CRYM: variants seen among roughly 807,000 people sequenced by gnomAD.
CRYM encodes the protein crystallin mu.
CRYM carries 18 observed loss-of-function variants against 32.9 expected under a neutral mutation model. The ratio of observed to expected loss-of-function variants is 0.55; its 90% CI spans 0.38 to 0.81. The LOEUF is 0.81. Ranked by LOEUF, CRYM falls within the 30% of genes least tolerant of loss-of-function variation. The pLI is 0.00. For synonymous variants in CRYM, 153 were observed against 152.4 expected (o/e 1.00, Z -0.03); for missense variants, 337 against 393.5 (o/e 0.86, Z 1.21).
chr16:21,274,077 C>G (rs187715022), intron 3 of CRYM, among the ~76,000 whole-genome samples: 1 of 152,200 alleles, frequency 6.6e-6, no homozygotes, highest in Non-Finnish European at 1.5e-5. Context: ...TGGGTTACCA[C>G]GTTTCCTTTA....
intron 5 of CRYM, among the ~76,000 whole-genome samples, chr16:21,267,007 A>C (rs904765493): frequency 1.3e-5 from 2 of 152,022 alleles, no homozygotes; most frequent in East Asian, 1.9e-4. Context: ...ACCCTGTCCC[A>C]AAAAAAGAAA....
intron 1 of CRYM, among the ~76,000 whole-genome samples, chr16:21,297,776 C>T (rs1960819023): frequency 1.3e-5 from 2 of 152,046 alleles, no homozygotes; most frequent in African/African-American, 2.4e-5. Flanking sequence ...TTCTATAGAA[C>T]ATATTGGTCC....
At chr16:21,290,205 G>A (rs172851) in intron 1 of CRYM, among the ~76,000 whole-genome samples, 89,198 of 152,050 alleles carry the variant, frequency 0.59, 28,733 homozygotes, top group African/African-American at 0.87. Context: ...TTCACAATAA[G>A]TCTTGCTGCT....
chr16:21,302,823 A>G (rs1339163647), intron 1 of CRYM, among the ~76,000 whole-genome samples: 4 of 152,242 alleles, frequency 2.6e-5, no homozygotes, highest in Non-Finnish European at 5.9e-5. Flanking sequence ...GTAAGAGGCT[A>G]TTAAAAAGAG....
chr16:21,294,325 C>T (rs554555791), intron 1 of CRYM, among the ~76,000 whole-genome samples: 9 of 152,012 alleles, frequency 5.9e-5, no homozygotes, highest in South Asian at 2.1e-4. Flanking sequence ...AGAATTTATT[C>T]GCAAATTATT....
chr16:21,277,728 T>G lies in CRYM; in HGVS notation c.171-144A>C. ...CCCCCGCATCCCTCTGCCCTTCCCT[T>G]AGACACTATGCACAGTATGTTCAGA... On this transcript the variant is annotated intron_variant, in intron 1 of 7. Coordinates refer to ENST00000572914, the MANE Select transcript of CRYM (RefSeq NM_001376256.1). This position sits in a 1 kb window ranked among gnomAD's most constrained non-coding sequence, Gnocchi z 4.2. 1.1e-6 allele frequency: 1 copy of G among 926,336 alleles called. No individual in the cohort carries two copies. The highest frequency in any genetic ancestry group is 1.7e-6 in the Non-Finnish European group (1 of 602,128). The allele number at this position is 926,336 out of a possible 1,614,324, so 57.4% of individuals were successfully genotyped here. A position where few individuals can be genotyped will look rare whatever the true frequency, so the allele number is the denominator to read the frequency against.
chr16:21,281,046 A>G (rs2152863734), upstream of CRYM, among the ~76,000 whole-genome samples: 1 of 151,490 alleles, frequency 6.6e-6, no homozygotes, highest in Non-Finnish European at 1.5e-5. Flanking sequence ...TGGAGGTTGC[A>G]GTGAGCCGAG....
intron 4 of CRYM, 85 bp from the exon 5 acceptor site, chr16:21,267,822 T>A: frequency 7.5e-7 from 1 of 1,330,478 alleles, no homozygotes; most frequent in Non-Finnish European, 1.1e-6. Flanking sequence ...GAGGGAAAGT[T>A]GAACTACTCT....
upstream of CRYM, chr16:21,278,442 TG>T (rs2093392204): frequency 1.6e-6 from 1 of 640,498 alleles, no homozygotes; most frequent in Admixed American, 2.6e-5. Context: ...CCCCTAAGGG[TG>T]GGCGAGATGG....
At chr16:21,269,766 T>TCCCCCCCCC in intron 4 of CRYM, 24 bp downstream of exon 4, 31 of 690,462 alleles carry the variant, frequency 4.5e-5, no homozygotes, top group South Asian at 7.1e-5. Context: ...CCCTCTTCTC[T>TCCCCCCCCC]CCCACCCCCA....
rs565832520 is a variant in CRYM at position 21,267,818 on chromosome 16, A to G, written c.490-81T>C. ...CACTGAGCCCAGGGATGCGGAGGGAAAGTTGAACTACTCTGGCATAGGGGT... is the reference window on the plus strand; with the variant it reads ...CACTGAGCCCAGGGATGCGGAGGGAGAGTTGAACTACTCTGGCATAGGGGT... On this transcript the variant is annotated intron_variant, in intron 4 of 7. Coordinates refer to ENST00000572914, the MANE Select transcript of CRYM (RefSeq NM_001376256.1). 1.1e-5 allele frequency: 15 copies of G among 1,373,694 alleles called. No homozygotes were observed. In the East Asian group the frequency reaches 3.2e-4, roughly 29 times the overall value. The allele number at this position is 1,373,694 out of a possible 1,614,324, so 85.1% of individuals were successfully genotyped here. A position where few individuals can be genotyped will look rare whatever the true frequency, so the allele number is the denominator to read the frequency against.
At chr16:21,288,841 C>T (rs1255214417) in intron 1 of CRYM, among the ~76,000 whole-genome samples, 2 of 151,990 alleles carry the variant, frequency 1.3e-5, no homozygotes, top group African/African-American at 2.4e-5. Flanking sequence ...GATTTTTTAT[C>T]TGACTCATTT....
intron 1 of CRYM, among the ~76,000 whole-genome samples, chr16:21,291,452 T>G (rs1960653387): frequency 6.6e-6 from 1 of 152,154 alleles, no homozygotes; most frequent in African/African-American, 2.4e-5. Context: ...TCAAGTTATA[T>G]GTTATCCTCA....
chr16:21,262,264 G>T, intron 5 of CRYM, 106 bp from the exon 6 acceptor site: 1 of 1,393,420 alleles, frequency 7.2e-7, no homozygotes, highest in Non-Finnish European at 1.0e-6. Flanking sequence ...AACACACTCA[G>T]ATTCAAAATA....
chr16:21,287,380 T>A (rs1047405537), intron 1 of CRYM, among the ~76,000 whole-genome samples: 1 of 152,242 alleles, frequency 6.6e-6, no homozygotes, highest in East Asian at 1.9e-4. Flanking sequence ...CCCTTGTTCC[T>A]GGCACAGAGC....
chr16:21,294,751 G>A (rs1960751614), intron 1 of CRYM, among the ~76,000 whole-genome samples: 2 of 147,412 alleles, frequency 1.4e-5, no homozygotes, highest in African/African-American at 2.5e-5. Flanking sequence ...CTGGAGTACA[G>A]TGGCGCGATC....
chr16:21,277,225 G>A lies in CRYM; in HGVS notation c.324+206C>T, dbSNP rs1400555851. Among the ~76,000 whole-genome samples the A allele has an allele frequency of 6.6e-6, 1 of 152,154 alleles. No homozygotes were observed. Among genetic ancestry groups the A allele is most frequent in the African/African-American group, 2.4e-5 (1 of 41,432 alleles). On this transcript the variant is annotated intron_variant, in intron 2 of 7. Coordinates refer to ENST00000572914, the MANE Select transcript of CRYM (RefSeq NM_001376256.1). This position sits in a 1 kb window ranked among gnomAD's most constrained non-coding sequence, Gnocchi z 4.2. ...CTGTCACATGCTTGAGGCAGCAGTG[G>A]GCGCTGGTGCCGTGTTATGCATCCT...
chr16:21,261,463 A>AT lies in CRYM; in HGVS notation c.796-126_796-125insA, dbSNP rs1390473593. 1.3e-5 allele frequency: 9 copies of AT among 714,620 alleles called. No individual in the cohort carries two copies. The South Asian group carries it at 1.5e-4, about 12-fold the overall frequency. 44.3% of individuals were successfully genotyped at this position (714,620 alleles called of 1,614,324 possible). A position where few individuals can be genotyped will look rare whatever the true frequency, so the allele number is the denominator to read the frequency against. Reference sequence around the variant, plus strand: ...AAATTTGATTAAAAAAAAAAAAAAAAAGAGAGAGATCCTTTGTACACTGAA... The same window carrying AT: ...AAATTTGATTAAAAAAAAAAAAAAAATAGAGAGAGATCCTTTGTACACTGAA... On this transcript the variant is annotated intron_variant, in intron 6 of 7. Coordinates refer to ENST00000572914, the MANE Select transcript of CRYM (RefSeq NM_001376256.1).
chr16:21,266,289 C>A (rs143627501), intron 5 of CRYM, among the ~76,000 whole-genome samples: 1 of 152,202 alleles, frequency 6.6e-6, no homozygotes, highest in East Asian at 1.9e-4. Context: ...TTTCTCCATG[C>A]CTTGGTTCAT....
Sources: allele counts gnomAD v4.1 joint callset (sites outside exome capture counted in the v4.1 genomes callset), GRCh38; gene constraint gnomAD v4.1.1; non-coding constraint Gnocchi (gnomAD v3.1); transcripts MANE v1.5; gene names NCBI Gene and HGNC (gene_info 2026-07-23, HGNC 2026-07-21).